The following MEF2C variants were observed in gnomAD, a reference collection of about 807,000 sequenced individuals.
MEF2C encodes myocyte enhancer factor 2C.
MEF2C carries 6 observed loss-of-function variants against 50.5 expected under a neutral mutation model. The observed-to-expected ratio is 0.12, with a 90% confidence interval of 0.07 to 0.23. The LOEUF (loss-of-function observed/expected upper bound fraction) is 0.23. Among genes scored for constraint, MEF2C ranks in the 10% least tolerant of loss-of-function variants. The pLI is 1.00. For synonymous variants in MEF2C, 183 were observed against 228.0 expected (o/e 0.80, Z 1.78); for missense variants, 276 against 605.0 (o/e 0.46, Z 5.70).
intron 3 of MEF2C, chr5:88,766,779 C>T (rs1444555614): frequency 1.0e-6 from 1 of 985,316 alleles, no homozygotes; most frequent in Non-Finnish European, 1.2e-6. Flanking sequence ...GTGTCAAGAA[C>T]ACATGCAGGA....
intron 10 of MEF2C, among the ~76,000 whole-genome samples, chr5:88,725,155 C>A (rs1455824117): frequency 6.6e-6 from 1 of 151,982 alleles, no homozygotes; most frequent in African/African-American, 2.4e-5. Context: ...TGTTAACTGG[C>A]CTGTATAGGT....
At chr5:88,818,421 CTG>C (rs1806595085) in intron 2 of MEF2C, among the ~76,000 whole-genome samples, 2 of 151,664 alleles carry the variant, frequency 1.3e-5, no homozygotes, top group Admixed American at 1.3e-4. Flanking sequence ...GAGGGTAAGA[CTG>C]CCTAACTGAT....
intron 6 of MEF2C, among the ~76,000 whole-genome samples, chr5:88,732,854 A>G (rs1285537456): frequency 6.6e-6 from 1 of 152,228 alleles, no homozygotes; most frequent in East Asian, 1.9e-4. Context: ...AATCCTTGCT[A>G]GAAACTAGAC....
chr5:88,849,994 G>A (rs769056860), intron 1 of MEF2C, among the ~76,000 whole-genome samples: 21 of 152,078 alleles, frequency 1.4e-4, no homozygotes, highest in Non-Finnish European at 2.4e-4. Context: ...TTGCAGGTTA[G>A]TTACATATGT....
intron 1 of MEF2C, among the ~76,000 whole-genome samples, chr5:88,843,109 G>C (rs185765792): frequency 4.6e-5 from 7 of 152,038 alleles, no homozygotes; most frequent in Non-Finnish European, 1.0e-4. Context: ...TGATATTTAG[G>C]GGGTGGTATC....
chr5:88,775,648 A>C (rs949976106), intron 3 of MEF2C: 1 of 172,924 alleles, frequency 5.8e-6, no homozygotes, highest in Admixed American at 6.5e-5. Context: ...TCTGAATGCT[A>C]TCCATATATG....
At chr5:88,726,008 A>G (rs1186039585) in intron 10 of MEF2C, among the ~76,000 whole-genome samples, 1 of 152,182 alleles carries the variant, frequency 6.6e-6, no homozygotes, top group Non-Finnish European at 1.5e-5. Context: ...CTCTCTCCCT[A>G]TAGCAAATAA....
intron 2 of MEF2C, among the ~76,000 whole-genome samples, chr5:88,816,465 C>CTTTTTTTTTTTTTTTT (rs70996497): frequency 1.2e-5 from 1 of 86,134 alleles, no homozygotes; most frequent in South Asian, 4.3e-4. Flanking sequence ...CTGCCTACTG[C>CTTTTTTTTTTTTTTTT]TTTTTTTTTT....
intron 1 of MEF2C, chr5:88,839,543 C>T (rs780616727): frequency 3.3e-5 from 5 of 152,152 alleles, no homozygotes; most frequent in Non-Finnish European, 7.4e-5. Context: ...GCAAATACTG[C>T]CTTTCAAAGT....
At chr5:88,736,977 C>G (rs533461232) in intron 6 of MEF2C, 11 of 984,966 alleles carry the variant, frequency 1.1e-5, no homozygotes, top group African/African-American at 1.7e-5. Flanking sequence ...TCAGCCCACA[C>G]TGAATTCACT....
At chr5:88,851,035 T>C (rs2153383359) in intron 1 of MEF2C, among the ~76,000 whole-genome samples, 1 of 152,100 alleles carries the variant, frequency 6.6e-6, no homozygotes, top group East Asian at 1.9e-4. Flanking sequence ...GAATGCAGTA[T>C]ATTCCTGTCC....
At position 88,718,226 on chromosome 5, in the gene MEF2C, A is replaced by G. The variant is rs1415085535; in HGVS notation, c.*4378T>C. The G allele has an allele frequency of 6.6e-6, 1 of 152,230 alleles. No homozygotes were observed. The highest frequency in any genetic ancestry group is 1.5e-5 in the Non-Finnish European group (1 of 68,032). The allele number at this position is 152,230 out of a possible 1,614,324, so 9.4% of individuals were successfully genotyped here. A position where few individuals can be genotyped will look rare whatever the true frequency, so the allele number is the denominator to read the frequency against. ...GCAAAACATTAATTTAAAAAAATGC[A>G]CCACGGACACTGCATCACTAAGAAA... On this transcript the variant is annotated 3_prime_UTR_variant, in exon 11 of 11. Transcript: ENST00000504921.
intron 4 of MEF2C, among the ~76,000 whole-genome samples, chr5:88,756,804 T>C (rs911736909): frequency 6.6e-6 from 1 of 151,766 alleles, no homozygotes; most frequent in East Asian, 1.9e-4. Flanking sequence ...TTTTTTTGTC[T>C]AAAAAATGAA....
At chr5:88,769,910 T>C in intron 3 of MEF2C, 1 of 953,428 alleles carries the variant, frequency 1.0e-6, no homozygotes, top group Non-Finnish European at 1.2e-6. Flanking sequence ...CCTCCTAAAG[T>C]GCTAGGATTA....
intron 6 of MEF2C, chr5:88,737,985 G>C (rs530641077): frequency 1.0e-6 from 1 of 985,372 alleles, no homozygotes; most frequent in African/African-American, 1.7e-5. Flanking sequence ...ACTGCTGTTA[G>C]AGAAGCTAGT....
chr5:88,770,211 T>G (rs1229905704), intron 3 of MEF2C, among the ~76,000 whole-genome samples: 1 of 152,208 alleles, frequency 6.6e-6, no homozygotes, highest in Non-Finnish European at 1.5e-5. Context: ...GCATTTTACT[T>G]GCAAATGGGT....
At chr5:88,896,943 C>G (rs917547946) in intron 1 of MEF2C, among the ~76,000 whole-genome samples, 1 of 98,264 alleles carries the variant, frequency 1.0e-5, no homozygotes, top group East Asian at 2.6e-4. Flanking sequence ...CTCAGTAAAG[C>G]TACACACACA....
intron 6 of MEF2C, chr5:88,733,980 T>C (rs2152310094): frequency 1.0e-6 from 1 of 984,962 alleles, no homozygotes; most frequent in Non-Finnish European, 1.2e-6. Flanking sequence ...CAGTATTCCA[T>C]GGCAAAAGCT....
At chr5:88,853,519 T>TG (rs1822165370) in intron 1 of MEF2C, among the ~76,000 whole-genome samples, 1 of 152,184 alleles carries the variant, frequency 6.6e-6, no homozygotes, top group Non-Finnish European at 1.5e-5. Context: ...GTGAAATCTA[T>TG]GCAAAATAAA....
Sources: gnomAD v4.1 joint callset for allele counts (sites outside exome capture counted in the v4.1 genomes callset) on GRCh38, gnomAD v4.1.1 for gene constraint, MANE v1.5 for transcripts, NCBI Gene and HGNC (gene_info 2026-07-23, HGNC 2026-07-21) for gene names.